Variants in IFT27 observed in about 807,000 individuals in gnomAD.
IFT27 encodes the protein intraflagellar transport protein 27 homolog.
Under a neutral mutation model 23.9 loss-of-function variants are expected in IFT27, and 19 were observed. The ratio of observed to expected loss-of-function variants is 0.79; its 90% CI spans 0.55 to 1.16. The LOEUF (loss-of-function observed/expected upper bound fraction) is 1.16. Among genes scored for constraint, IFT27 ranks in the 50% most tolerant of loss-of-function variants. The pLI is 0.00. For synonymous variants in IFT27, 91 were observed against 89.1 expected, an observed-to-expected ratio of 1.02 and a Z score of -0.12; for missense variants, 206 against 228.7, an observed-to-expected ratio of 0.90 and a Z score of 0.64.
chr22:36,766,045 A>C (rs1160607698), intron 4 of IFT27, 93 bp downstream of exon 4: 2 of 993,626 alleles, frequency 2.0e-6, no homozygotes, highest in Non-Finnish European at 3.3e-6. Context: ...TCCCAACAGC[A>C]CAGTGCAGGG....
Position 36,767,835 on chromosome 22 carries a change from AGGGCGGTCTTGCCCACTGCT to A in IFT27, c.42_61del (p.Ala15GlyfsTer7), listed in dbSNP as rs760535949. On this transcript the variant is annotated frameshift_variant, in exon 2 of 7. Coordinates refer to ENST00000433985, the MANE Select transcript of IFT27 (RefSeq NM_001177701.3). LOFTEE classifies it high-confidence loss of function. ...TCCATCACTGCGGAAGATCTGTGCC[AGGGCGGTCTTGCCCACTGCT>A]GGGTCTCCTGTGAGATCAGAAAAGA... 1 of 1,614,254 alleles carries A rather than the reference AGGGCGGTCTTGCCCACTGCT, an allele frequency of 6.2e-7. No homozygotes were observed. The highest frequency in any genetic ancestry group is 1.7e-5 in the Admixed American group (1 of 60,032).
chr22:36,773,997 T>A (rs927936505), intron 1 of IFT27, among the ~76,000 whole-genome samples: 3 of 149,314 alleles, frequency 2.0e-5, no homozygotes, highest in Non-Finnish European at 3.0e-5. Flanking sequence ...GAAGCCCATT[T>A]AAAAAAAAAA....
intron 2 of IFT27, 44 bp downstream of exon 2, chr22:36,767,739 C>A: frequency 6.6e-7 from 1 of 1,521,028 alleles, no homozygotes; most frequent in South Asian, 1.1e-5. Flanking sequence ...GTGAACCGAG[C>A]ACTTCTCTAT....
intron 1 of IFT27, chr22:36,772,628 C>G: frequency 1.0e-6 from 1 of 985,488 alleles, no homozygotes; most frequent in Non-Finnish European, 1.2e-6. Flanking sequence ...GTATCACACG[C>G]ATCTTAGTTC....
At chr22:36,773,483 C>G (rs11089805) in intron 1 of IFT27, among the ~76,000 whole-genome samples, 1 of 151,956 alleles carries the variant, frequency 6.6e-6, no homozygotes, top group South Asian at 2.1e-4. Flanking sequence ...GAAACCCAGT[C>G]TCCACTAAAA....
intron 6 of IFT27, chr22:36,760,707 C>T (rs1938067824): frequency 1.3e-5 from 2 of 155,294 alleles, no homozygotes; most frequent in Admixed American, 6.5e-5. Flanking sequence ...GCTACACAAC[C>T]TTTCTGAGTC....
intron 6 of IFT27, 72 bp downstream of exon 6, chr22:36,762,832 A>G: frequency 2.3e-6 from 2 of 864,632 alleles, no homozygotes; most frequent in Non-Finnish European, 3.5e-6. Flanking sequence ...CCTGCACGTG[A>G]GGTCATGTGC....
Position 36,763,197 on chromosome 22 carries a change from G to A in IFT27, c.353-184C>T, listed in dbSNP as rs1435797275. 3 of 448,152 alleles carry A rather than the reference G, an allele frequency of 6.7e-6. No homozygotes were observed. The Admixed American group carries it at 1.2e-4, about 18-fold the overall frequency. The allele number at this position is 448,152 out of a possible 1,614,324, so 27.8% of individuals were successfully genotyped here. A position where few individuals can be genotyped will look rare whatever the true frequency, so the allele number is the denominator to read the frequency against. The stretch of plus-strand genomic sequence containing the variant: ...TCGTGATGGCCCCAAGGGCCACAGA[G>A]AGACAGGTGGGCTTCGCTTTTCATG... On this transcript the variant is annotated intron_variant, in intron 5 of 6. Coordinates refer to ENST00000433985, the MANE Select transcript of IFT27 (RefSeq NM_001177701.3).
chr22:36,760,220 AGAGTT>A (rs993766501), intron 6 of IFT27: 1 of 152,228 alleles, frequency 6.6e-6, no homozygotes, highest in Non-Finnish European at 1.5e-5. Flanking sequence ...CGTCGAAAGT[AGAGTT>A]AAGAATGGAA....
chr22:36,766,277 C>A (rs187005753), intron 3 of IFT27, 80 bp from the exon 4 acceptor site: 5 of 1,179,472 alleles, frequency 4.2e-6, no homozygotes, highest in African/African-American at 3.0e-5. Flanking sequence ...TCAACTCACA[C>A]TGGACTTGTC....
intron 1 of IFT27, among the ~76,000 whole-genome samples, chr22:36,774,226 G>T (rs1444495444): frequency 1.3e-5 from 2 of 152,138 alleles, no homozygotes; most frequent in South Asian, 4.1e-4. Context: ...TCATCTTTCT[G>T]TGTGACCCTT....
intron 6 of IFT27, 161 bp from the exon 7 acceptor site, chr22:36,758,570 A>G: frequency 1.6e-6 from 1 of 617,988 alleles, no homozygotes. Flanking sequence ...TTTTACAAGA[A>G]GGAAACTCAG....
At chr22:36,764,677 C>T (rs1938197797) in intron 4 of IFT27, among the ~76,000 whole-genome samples, 1 of 152,246 alleles carries the variant, frequency 6.6e-6, no homozygotes, top group African/African-American at 2.4e-5. Flanking sequence ...CTCTTGCCAT[C>T]TCTGCATCAG....
At chr22:36,765,627 G>A (rs1448320404) in intron 4 of IFT27, among the ~76,000 whole-genome samples, 1 of 152,224 alleles carries the variant, frequency 6.6e-6, no homozygotes, top group Non-Finnish European at 1.5e-5. Flanking sequence ...ACCGTGGAAG[G>A]TACAGCAAGT....
intron 3 of IFT27, 41 bp from the exon 4 acceptor site, chr22:36,766,238 C>A: frequency 6.4e-7 from 1 of 1,562,510 alleles, no homozygotes; most frequent in African/African-American, 1.4e-5. Flanking sequence ...CGTGGAAAAA[C>A]CACAAGCTAC....
Position 36,767,014 on chromosome 22 carries a change from T to A in IFT27, c.174+292A>T, listed in dbSNP as rs369774758. The A allele has an allele frequency of 1.3e-4, 31 of 239,196 alleles. 1 individual carries two copies. The highest frequency in any genetic ancestry group is 2.3e-3 in the Middle Eastern group (2 of 860). 14.8% of individuals were successfully genotyped at this position (239,196 alleles called of 1,614,324 possible). On this transcript the variant is annotated intron_variant, in intron 3 of 6. Coordinates refer to ENST00000433985, the MANE Select transcript of IFT27 (RefSeq NM_001177701.3). ...TAGAAAAGCACACACAAACATAACG[T>A]CTTGCAATTCACTTTCAAGAGCCCC...
intron 1 of IFT27, among the ~76,000 whole-genome samples, chr22:36,773,476 A>AC (rs1938432403): frequency 6.6e-6 from 1 of 151,904 alleles, no homozygotes. Flanking sequence ...ACATGGTGAA[A>AC]CCCAGTCTCC....
chr22:36,774,417 T>G (rs1172495314), intron 1 of IFT27, among the ~76,000 whole-genome samples: 1 of 152,174 alleles, frequency 6.6e-6, no homozygotes, highest in Non-Finnish European at 1.5e-5. Context: ...TTAAGAGTTT[T>G]GGAGTTGGCC....
In IFT27 at chr22:36,767,298, T is replaced by C. The variant is rs1460939159; in HGVS notation, c.174+8A>G. 1.2e-6 allele frequency: 2 copies of C among 1,612,534 alleles called. No individual in the cohort carries two copies. The highest frequency in any genetic ancestry group is 1.7e-6 in the Non-Finnish European group (2 of 1,178,868). ...CCCTGAGTTCCCCTGGGTAAAGGCA[T>C]CACTCACCACACTGTCTCCCGTGTC... On this transcript the variant is annotated splice_region_variant and intron_variant, in intron 3 of 6. Transcript: ENST00000433985.
Sources: allele counts gnomAD v4.1 joint callset (sites outside exome capture counted in the v4.1 genomes callset), GRCh38; gene constraint gnomAD v4.1.1; transcripts MANE v1.5; gene names NCBI Gene and HGNC (gene_info 2026-07-23, HGNC 2026-07-21).